The following ANKRD20A1 variants were observed in gnomAD, a reference collection of about 807,000 sequenced individuals.
ANKRD20A1 encodes ankyrin repeat domain-containing protein 20A1.
In ANKRD20A1, 2 loss-of-function variants were observed where a neutral mutation model predicts 50.9. The ratio of observed to expected loss-of-function variants is 0.04; its 90% CI spans 0.02 to 0.12. The LOEUF is 0.12. Among genes scored for constraint, ANKRD20A1 ranks in the 10% least tolerant of loss-of-function variants. ANKRD20A1 has a pLI of 1.00. For missense variants in ANKRD20A1, 31 were observed against 548.1 expected, an observed-to-expected ratio of 0.06 and a Z score of 9.42; for synonymous variants, 10 against 186.2, an observed-to-expected ratio of 0.05 and a Z score of 7.70.
chr9:67,881,716 AC>A (rs1203737638), intron 8 of ANKRD20A1, among the ~76,000 whole-genome samples: 1 of 151,636 alleles, frequency 6.6e-6, no homozygotes, highest in Non-Finnish European at 1.5e-5. Context: ...AATCGCTTGA[AC>A]CCGGGAGGCG....
At chr9:67,881,430 A>T (rs1257937012) in intron 8 of ANKRD20A1, among the ~76,000 whole-genome samples, 11 of 150,376 alleles carry the variant, frequency 7.3e-5, no homozygotes, top group African/African-American at 2.4e-4. Context: ...ATACCAATGG[A>T]TGGTAAGACT....
chr9:67,883,154 T>C (rs1262746225), intron 8 of ANKRD20A1, among the ~76,000 whole-genome samples: 1 of 151,558 alleles, frequency 6.6e-6, no homozygotes, highest in African/African-American at 2.4e-5. Flanking sequence ...ATATACCCAG[T>C]AATGGGATGG....
Position 67,868,068 on chromosome 9 carries a change from C to G in ANKRD20A1, c.600-361C>G, listed in dbSNP as rs1396419195. On this transcript the variant is annotated intron_variant, in intron 4 of 14. Transcript: ENST00000562196. ...CCTGCAGATAACTCTTATCTGACCCCTAGCTGATTTGACTAGGAAAGCAAC... is the reference window on the plus strand; with the variant it reads ...CCTGCAGATAACTCTTATCTGACCCGTAGCTGATTTGACTAGGAAAGCAAC... Among the ~76,000 whole-genome samples, 7 of 126,636 alleles carry G rather than the reference C, an allele frequency of 5.5e-5. 1 individual carries two copies. The highest frequency in any genetic ancestry group is 1.9e-4 in the African/African-American group (7 of 36,164). 83.1% of individuals were successfully genotyped at this position (126,636 alleles called of 152,430 possible). A position where few individuals can be genotyped will look rare whatever the true frequency, so the allele number is the denominator to read the frequency against.
At chr9:67,860,005 A>AT (rs771884192) in intron 1 of ANKRD20A1, among the ~76,000 whole-genome samples, 14,473 of 28,242 alleles carry the variant, frequency 0.51, 6,468 homozygotes, top group East Asian at 0.75. Flanking sequence ...ATATATATAT[A>AT]TTTTTTTTTC....
At chr9:67,892,057 AAAAAG>A (rs1165897608) in intron 11 of ANKRD20A1, among the ~76,000 whole-genome samples, 1 of 40,908 alleles carries the variant, frequency 2.4e-5, no homozygotes, top group African/African-American at 7.7e-5. Flanking sequence ...CTTGTCCCAA[AAAAAG>A]AAAAGAAAAG....
intron 3 of ANKRD20A1, among the ~76,000 whole-genome samples, chr9:67,865,655 A>T (rs1827553378): frequency 7.2e-6 from 1 of 138,650 alleles, no homozygotes; most frequent in South Asian, 2.3e-4. Flanking sequence ...TAAAAAATCA[A>T]ATCTGGTGTC....
chr9:67,859,453 CAGGGGCCAG>C lies in ANKRD20A1; in HGVS notation c.29_37del (p.Arg10_Gln12del), dbSNP rs1827480660. 1.7e-6 allele frequency: 1 copy of C among 587,696 alleles called. No homozygotes were observed. Among genetic ancestry groups the C allele is most frequent in the Admixed American group, 3.1e-5 (1 of 31,938 alleles). 36.4% of individuals were successfully genotyped at this position (587,696 alleles called of 1,614,324 possible). A position where few individuals can be genotyped will look rare whatever the true frequency, so the allele number is the denominator to read the frequency against. ...TGAAGTTATTCGGCTTCGGGAGCCGCAGGGGCCAGACGGCCCAGGGCTCCATAGACCACG... is the reference window on the plus strand; with the variant it reads ...TGAAGTTATTCGGCTTCGGGAGCCGCACGGCCCAGGGCTCCATAGACCACG... On this transcript the variant is annotated inframe_deletion, in exon 1 of 15. Transcript: ENST00000562196.
At position 67,871,180 on chromosome 9, in the gene ANKRD20A1, A is replaced by G. The variant is rs779353799; in HGVS notation, c.761A>G (p.His254Arg). Residue 254 changes from histidine (H) to arginine (R), a missense_variant, in exon 6 of 15, where the codon CAT (histidine) becomes CGT (arginine). Physicochemically the swap from His to Arg is conservative, Grantham distance 29. Transcript: ENST00000562196. The part of the protein sequence containing the change: ...LTKIQQQILE[H>R]KKKILKKEKS... ...AGAATTCAACAACAAATTTTGGAAC[A>G]TAAAAAGAAGATACTTAAAAAGGAG... The G allele has an allele frequency of 1.1e-5, 16 of 1,496,634 alleles. 3 individuals are homozygous for G. The African/African-American group carries it at 1.3e-4, about 12-fold the overall frequency. 92.7% of individuals were successfully genotyped at this position (1,496,634 alleles called of 1,614,324 possible).
At chr9:67,871,728 T>TTTTGATTCCTTCACC (rs1827651372) in intron 6 of ANKRD20A1, among the ~76,000 whole-genome samples, 1 of 131,708 alleles carries the variant, frequency 7.6e-6, no homozygotes, top group Non-Finnish European at 1.7e-5. Context: ...TGAGTATAAC[T>TTTTGATTCCTTCACC]TTTGATTCCT....
At chr9:67,882,210 C>A (rs1198836550) in intron 8 of ANKRD20A1, among the ~76,000 whole-genome samples, 1 of 150,884 alleles carries the variant, frequency 6.6e-6, no homozygotes, top group Non-Finnish European at 1.5e-5. Context: ...TGGTCTTTAA[C>A]TGTTGGGCTC....
chr9:67,881,235 A>G (rs1265987308), intron 8 of ANKRD20A1, among the ~76,000 whole-genome samples: 14 of 142,494 alleles, frequency 9.8e-5, no homozygotes, highest in Admixed American at 7.6e-5. Flanking sequence ...GCAACATCGT[A>G]TCTGATTTAA....
chr9:67,888,996 T>G (rs1827908995), intron 11 of ANKRD20A1, among the ~76,000 whole-genome samples: 1 of 146,822 alleles, frequency 6.8e-6, no homozygotes. Context: ...AGACAGAGTC[T>G]TGCTCTGTCA....
chr9:67,861,247 TCAG>T (rs1827497865), intron 1 of ANKRD20A1, among the ~76,000 whole-genome samples: 1 of 49,306 alleles, frequency 2.0e-5, no homozygotes, highest in South Asian at 5.9e-4. Flanking sequence ...TTTAGCCTCT[TCAG>T]AAGTAAAAAG....
intron 12 of ANKRD20A1, among the ~76,000 whole-genome samples, chr9:67,897,117 T>C (rs1403334231): frequency 1.1e-5 from 1 of 90,548 alleles, no homozygotes; most frequent in African/African-American, 3.3e-5. Context: ...ACTTCTTTAC[T>C]GTTCCCGAAG....
At chr9:67,880,956 TA>T (rs1227504558) in intron 8 of ANKRD20A1, among the ~76,000 whole-genome samples, 2 of 101,304 alleles carry the variant, frequency 2.0e-5, no homozygotes, top group East Asian at 8.5e-4. Context: ...TTATTTGCAG[TA>T]ATCATGGGAT....
chr9:67,877,154 T>TA (rs1827742679), intron 6 of ANKRD20A1, among the ~76,000 whole-genome samples: 1 of 59,504 alleles, frequency 1.7e-5, no homozygotes, highest in Non-Finnish European at 4.4e-5. Context: ...GTATAGTGGA[T>TA]AAGGGGTACT....
rs1227717420 is a variant in ANKRD20A1, at chr9:67,861,489, A to G, written c.204-1452A>G. 3.7e-4 allele frequency among the ~76,000 whole-genome samples: 17 copies of G among 45,618 alleles called. 7 individuals carry two copies. Among genetic ancestry groups the G allele is most frequent in the African/African-American group, 2.2e-3 (17 of 7,842 alleles). 29.9% of individuals were successfully genotyped at this position (45,618 alleles called of 152,430 possible). A position where few individuals can be genotyped will look rare whatever the true frequency, so the allele number is the denominator to read the frequency against. On this transcript the variant is annotated intron_variant, in intron 1 of 14. Transcript: ENST00000562196. Reference sequence around the variant, plus strand: ...CTGTATTTATCCATTCTTTCATTCCATTTATGGATCAAGCATAACCTGAGT... The same window carrying G: ...CTGTATTTATCCATTCTTTCATTCCGTTTATGGATCAAGCATAACCTGAGT...
intron 11 of ANKRD20A1, among the ~76,000 whole-genome samples, chr9:67,892,801 A>T (rs557863035): frequency 1.1e-5 from 1 of 87,924 alleles, no homozygotes; most frequent in African/African-American, 3.7e-5. Context: ...AATTTTTTGT[A>T]GAGTCAAGGT....
At chr9:67,882,377 A>G (rs1447603668) in intron 8 of ANKRD20A1, among the ~76,000 whole-genome samples, 3 of 147,438 alleles carry the variant, frequency 2.0e-5, no homozygotes, top group Non-Finnish European at 1.5e-5. Flanking sequence ...ATAATTAAAT[A>G]TTGTATTTAA....
Sources: allele counts gnomAD v4.1 joint callset (sites outside exome capture counted in the v4.1 genomes callset), GRCh38; gene constraint gnomAD v4.1.1; transcripts MANE v1.5; gene names NCBI Gene and HGNC (gene_info 2026-07-23, HGNC 2026-07-21).